Variants in CLIP1 observed in about 807,000 individuals in gnomAD.
CLIP1 encodes the protein CAP-Gly domain containing linker protein 1.
CLIP1 carries 66 observed loss-of-function variants against 161.6 expected under a neutral mutation model. The observed-to-expected ratio is 0.41, with a 90% CI of 0.33 to 0.50. The LOEUF (loss-of-function observed/expected upper bound fraction) is 0.50, where lower values mean the gene tolerates loss of function less well. CLIP1 is among the 20% of genes least tolerant of loss of function. The pLI is 0.27. For missense variants in CLIP1, 1,376 were observed against 1,702.0 expected, an observed-to-expected ratio of 0.81 and a Z score of 3.37; for synonymous variants, 598 against 626.2, an observed-to-expected ratio of 0.96 and a Z score of 0.67.
chr12:122,303,960 G>A (rs1950778289), intron 20 of CLIP1, among the ~76,000 whole-genome samples: 1 of 152,184 alleles, frequency 6.6e-6, no homozygotes, highest in Non-Finnish European at 1.5e-5. Context: ...CAGGAAGGAA[G>A]GGCCAGCTCC....
At chr12:122,300,589 C>T (rs1400811964) in intron 20 of CLIP1, among the ~76,000 whole-genome samples, 3 of 151,878 alleles carry the variant, frequency 2.0e-5, no homozygotes, top group East Asian at 1.9e-4. Flanking sequence ...TGTTTTGAGA[C>T]GGTCTCGCTC....
intron 3 of CLIP1, among the ~76,000 whole-genome samples, chr12:122,376,188 T>C (rs1026348342): frequency 6.6e-6 from 1 of 152,104 alleles, no homozygotes; most frequent in African/African-American, 2.4e-5. Context: ...TCCACCCGCT[T>C]AGCCTCCCAA....
In CLIP1 at chr12:122,354,547, C is replaced by T. The variant is rs1389580913; in HGVS notation, c.1213G>A (p.Glu405Lys). The change falls in exon 7 of 26, where the codon GAA becomes AAA. Residue 405 changes from glutamate (E) to lysine (K), a missense_variant. Coordinates refer to ENST00000620786, the MANE Select transcript of CLIP1 (RefSeq NM_001247997.2). Reference sequence around the variant, plus strand: ...AGCTGGTCCATTTTGGCTTCCAATTCCAGGACATGCTGGGGAAGGCAAGAA... The same window carrying T: ...AGCTGGTCCATTTTGGCTTCCAATTTCAGGACATGCTGGGGAAGGCAAGAA... ...ARDGHDQHVLELEAKMDQLRT... is the reference protein window; with the variant it reads ...ARDGHDQHVLKLEAKMDQLRT... 3.7e-6 allele frequency: 6 copies of T among 1,613,424 alleles called. No individual in the cohort carries two copies.
chr12:122,365,694 A>C, intron 3 of CLIP1: 1 of 639,442 alleles, frequency 1.6e-6, no homozygotes, highest in Non-Finnish European at 2.7e-6. Flanking sequence ...AAAAAAAAAG[A>C]AAGAACTGCT....
chr12:122,418,715 A>G (rs1460804131), intron 1 of CLIP1, among the ~76,000 whole-genome samples: 3 of 152,196 alleles, frequency 2.0e-5, no homozygotes, highest in Non-Finnish European at 4.4e-5. Flanking sequence ...GTGAACTACG[A>G]TTGTGCCACT....
intron 24 of CLIP1, chr12:122,276,499 G>A (rs1592954067): frequency 7.8e-7 from 1 of 1,287,756 alleles, no homozygotes; most frequent in Non-Finnish European, 1.0e-6. Flanking sequence ...AAGCAGAAAG[G>A]AAGGGGGAAG....
At chr12:122,354,698 A>G (rs1953243572) in intron 6 of CLIP1, 142 bp from the exon 7 acceptor site, 1 of 631,748 alleles carries the variant, frequency 1.6e-6, no homozygotes, top group Admixed American at 2.8e-5. Context: ...CTCTATTTTA[A>G]TAGGTTATTC....
chr12:122,286,984 C>CGA (rs1470766297), intron 21 of CLIP1, among the ~76,000 whole-genome samples: 1 of 151,838 alleles, frequency 6.6e-6, no homozygotes, highest in Admixed American at 6.6e-5. Context: ...GGCGACAGAG[C>CGA]GAGAGTCTGC....
At position 122,349,734 on chromosome 12, in the gene CLIP1, G is replaced by A. The variant is rs956351779; in HGVS notation, c.1401+1377C>T. Among the ~76,000 whole-genome samples the A allele has an allele frequency of 4.6e-5, 7 of 152,236 alleles. No individual in the cohort carries two copies. In the East Asian group the frequency reaches 5.8e-4, roughly 13 times the overall value. ...GGAAAGCAAAGGCTTTGCGAGAAGC[G>A]CACAGGAAAGGCAGGGGGGAAATCC... On this transcript the variant is annotated intron_variant, in intron 9 of 25. Coordinates refer to ENST00000620786, the MANE Select transcript of CLIP1 (RefSeq NM_001247997.2).
In CLIP1 at chr12:122,361,168, G is replaced by A; in HGVS notation, c.796C>T (p.Gln266Ter). The A allele has an allele frequency of 6.2e-7, 1 of 1,612,954 alleles. No homozygotes were observed. The highest frequency in any genetic ancestry group is 8.5e-7 in the Non-Finnish European group (1 of 1,179,338). Residue 266 changes from glutamine (Q) to a stop codon, truncating the protein, a stop_gained, in exon 5 of 26, where the codon CAA (glutamine) becomes TAA (stop). Coordinates refer to ENST00000620786, the MANE Select transcript of CLIP1 (RefSeq NM_001247997.2). LOFTEE classifies it high-confidence loss of function. ...GGAGCGAACAAGCCATATTTGGGTT[G>A]ACACTGAAAATACCTTTAGAGAACA... ...AVAGTRYFQC[Q>*]PKYGLFAPVH... is the part of the protein sequence containing the mutation.
At chr12:122,354,829 A>G (rs1953249593) in intron 6 of CLIP1, 2 of 577,162 alleles carry the variant, frequency 3.5e-6, no homozygotes, top group South Asian at 2.2e-5. Context: ...GCTATAATCA[A>G]TCATTGGTAA....
In CLIP1 at chr12:122,349,080, A is replaced by G. The variant is rs187296842; in HGVS notation, c.1402-1601T>C. On this transcript the variant is annotated intron_variant, in intron 9 of 25. Transcript: ENST00000620786. ...CAATTCAAGCCCTAACTGTCTGGAT[A>G]ATCCCCTTGGTCTGTATGTGCCTTG... Among the ~76,000 whole-genome samples, 449 of 152,352 alleles carry G rather than the reference A, an allele frequency of 2.9e-3. 4 individuals are homozygous for G. The highest frequency in any genetic ancestry group is 3.9e-3 in the Admixed American group (59 of 15,294).
At chr12:122,319,409 G>T (rs1951396801) in intron 17 of CLIP1, 61 bp from the exon 18 acceptor site, 5 of 1,297,954 alleles carry the variant, frequency 3.9e-6, no homozygotes, top group African/African-American at 1.5e-5. Context: ...GTTAGGTGAG[G>T]ATCGGGCTGT....
chr12:122,282,734 A>C (rs1955695747), intron 21 of CLIP1, among the ~76,000 whole-genome samples: 2 of 152,190 alleles, frequency 1.3e-5, no homozygotes, highest in Non-Finnish European at 1.5e-5. Flanking sequence ...CAAGACACAG[A>C]GGGACAAAGG....
intron 20 of CLIP1, among the ~76,000 whole-genome samples, chr12:122,295,305 G>A (rs1950425541): frequency 3.3e-5 from 5 of 152,006 alleles, no homozygotes; most frequent in Admixed American, 3.3e-4. Flanking sequence ...AGGAGGCAGA[G>A]GTTGCAGTAA....
chr12:122,421,402 G>A (rs1484751474), intron 1 of CLIP1, among the ~76,000 whole-genome samples: 1 of 152,066 alleles, frequency 6.6e-6, no homozygotes, highest in African/African-American at 2.4e-5. Context: ...ATCGCTAACA[G>A]TAGTGACACA....
intron 4 of CLIP1, among the ~76,000 whole-genome samples, chr12:122,362,390 A>C (rs1414464578): frequency 6.6e-6 from 1 of 151,660 alleles, no homozygotes; most frequent in African/African-American, 2.4e-5. Flanking sequence ...TCACGCCTGT[A>C]ATAGAACTTC....
At chr12:122,397,758 T>C (rs1955977968) in intron 1 of CLIP1, among the ~76,000 whole-genome samples, 1 of 151,686 alleles carries the variant, frequency 6.6e-6, no homozygotes, top group Non-Finnish European at 1.5e-5. Context: ...GAGACCAGCC[T>C]GGCCAACATG....
chr12:122,341,862 C>A (rs903151273), intron 10 of CLIP1, 165 bp from the exon 11 acceptor site: 2 of 459,302 alleles, frequency 4.4e-6, no homozygotes, highest in Non-Finnish European at 7.3e-6. Context: ...CAGCTCACTG[C>A]AACCTCCACC....
Sources: allele counts gnomAD v4.1 joint callset (sites outside exome capture counted in the v4.1 genomes callset), GRCh38; gene constraint gnomAD v4.1.1; transcripts MANE v1.5; gene names NCBI Gene and HGNC (gene_info 2026-07-23, HGNC 2026-07-21).